GON4L: variants seen among roughly 807,000 people sequenced by gnomAD.
GON4L encodes the protein gon-4 like.
In GON4L, 87 loss-of-function variants were observed where a neutral mutation model predicts 211.8. That is an observed-to-expected ratio of 0.41 (90% confidence interval 0.35 to 0.49). The LOEUF is 0.49. Among genes scored for constraint, GON4L ranks in the 20% least tolerant of loss-of-function variants. GON4L has a pLI of 0.15. For missense variants in GON4L, 2,155 were observed against 2,659.5 expected (o/e 0.81, Z 4.17); for synonymous variants, 875 against 962.6 (o/e 0.91, Z 1.68).
At chr1:155,780,094 C>T (rs1344190677) in intron 14 of GON4L, among the ~76,000 whole-genome samples, 1 of 152,088 alleles carries the variant, frequency 6.6e-6, no homozygotes, top group Non-Finnish European at 1.5e-5. Context: ...CCACTGCACC[C>T]AGCCAGGAAG....
Position 155,853,670 on chromosome 1 carries a change from G to C in GON4L, c.111C>G (p.Asp37Glu). The C allele has an allele frequency of 6.2e-7, 1 of 1,613,740 alleles. No individual in the cohort carries two copies. Among genetic ancestry groups the C allele is most frequent in the Non-Finnish European group, 8.5e-7 (1 of 1,179,658 alleles). The change falls in exon 2 of 32, where the codon GAC becomes GAG. Residue 37 changes from aspartate to glutamate, a missense_variant. Asp to Glu is a conservative substitution (Grantham distance 45). Coordinates refer to ENST00000368331, the MANE Select transcript of GON4L (RefSeq NM_001282860.2). The stretch of plus-strand genomic sequence containing the variant: ...ACACCGAACTCAAGTCCTTAACCTG[G>C]TCAGATTCTGGTTTAACGGCTGATT... ...DLESAVKPESDQVKDLSSVSL... is the reference protein window; with the variant it reads ...DLESAVKPESEQVKDLSSVSL...
At chr1:155,849,773 CAAAAAAAAAA>C (rs11330008) in intron 2 of GON4L, among the ~76,000 whole-genome samples, 1 of 77,354 alleles carries the variant, frequency 1.3e-5, no homozygotes, top group East Asian at 3.4e-4. Flanking sequence ...GACTCCGTCT[CAAAAAAAAAA>C]AAAAAAAAAA....
At chr1:155,853,838 T>C (rs1672031796) in intron 1 of GON4L, 32 bp from the exon 2 acceptor site, 2 of 1,325,854 alleles carry the variant, frequency 1.5e-6, no homozygotes, top group Middle Eastern at 3.6e-4. Context: ...ACTGCCTTCA[T>C]ATTAATTAAA....
In GON4L at chr1:155,806,216, G is replaced by T. The variant is rs573430599; in HGVS notation, c.1453-1075C>A. Among the ~76,000 whole-genome samples, 181 of 147,112 alleles carry T rather than the reference G, an allele frequency of 1.2e-3. 1 individual carries two copies. Among genetic ancestry groups the T allele is most frequent in the African/African-American group, 4.4e-3 (174 of 39,860 alleles). On this transcript the variant is annotated intron_variant, in intron 10 of 31. Transcript: ENST00000368331. ...CACCCATTCTGGAGTGCAGTGGTACGATCTCGGATCACTGCAACCTCCATC... is the reference window on the plus strand; with the variant it reads ...CACCCATTCTGGAGTGCAGTGGTACTATCTCGGATCACTGCAACCTCCATC...
At chr1:155,778,559 T>C (rs1300033038) in intron 14 of GON4L, among the ~76,000 whole-genome samples, 1 of 152,096 alleles carries the variant, frequency 6.6e-6, no homozygotes, top group Non-Finnish European at 1.5e-5. Context: ...CCCTCAAAAT[T>C]TTAATTTTAA....
chr1:155,748,566 A>C, downstream of GON4L: 1 of 1,613,668 alleles, frequency 6.2e-7, no homozygotes, highest in South Asian at 1.1e-5. Flanking sequence ...GTCAGTGCTG[A>C]GAAAATGTCC....
chr1:155,821,588 T>G (rs1378570051), intron 4 of GON4L, 40 bp from the exon 5 acceptor site: 12 of 1,173,730 alleles, frequency 1.0e-5, no homozygotes, highest in Non-Finnish European at 1.5e-5. Flanking sequence ...AACAAGGGTT[T>G]GTCACCTAGA....
chr1:155,811,754 CAAAAAAA>C lies in GON4L; in HGVS notation c.1452+1873_1452+1879del, dbSNP rs145360103. Among the ~76,000 whole-genome samples the C allele has an allele frequency of 3.6e-4, 12 of 33,054 alleles. No individual in the cohort carries two copies. The East Asian group carries it at 0.011, about 29-fold the overall frequency. The allele number at this position is 33,054 out of a possible 152,430, so 21.7% of individuals were successfully genotyped here. On this transcript the variant is annotated intron_variant, in intron 10 of 31. Coordinates refer to ENST00000368331, the MANE Select transcript of GON4L (RefSeq NM_001282860.2). Reference sequence around the variant, plus strand: ...CTGGGAGACAGGCAAGACTCTGTCTCAAAAAAAAAAAAAAAAAAAAAAAAAGAAGGCT... The same window carrying C: ...CTGGGAGACAGGCAAGACTCTGTCTCAAAAAAAAAAAAAAAAAAGAAGGCT...
chr1:155,835,813 T>G (rs1376032309), intron 2 of GON4L, among the ~76,000 whole-genome samples: 1 of 152,232 alleles, frequency 6.6e-6, no homozygotes, highest in Non-Finnish European at 1.5e-5. Context: ...CATTCATGAT[T>G]CCTTCCAGTG....
At chr1:155,857,285 A>G (rs1029288433), upstream of GON4L, 3 of 152,350 alleles carry the variant, frequency 2.0e-5, no homozygotes, top group Non-Finnish European at 1.5e-5. Context: ...TGCGCCTAAC[A>G]CTATGCGCCA....
chr1:155,785,397 A>G (rs767627474), intron 12 of GON4L, 23 bp from the exon 13 acceptor site: 1 of 1,543,072 alleles, frequency 6.5e-7, no homozygotes, highest in Non-Finnish European at 9.0e-7. Context: ...CAGACAGTAT[A>G]TTGTTGGTAT....
intron 2 of GON4L, chr1:155,845,492 T>C (rs150688616): frequency 1.7e-5 from 6 of 345,376 alleles, no homozygotes; most frequent in East Asian, 1.6e-4. Context: ...TCATGTGCTT[T>C]TGCGGTCATG....
At position 155,784,358 on chromosome 1, in the gene GON4L, C is replaced by CTT. The variant is rs869034483; in HGVS notation, c.1789-271_1789-270dup. On this transcript the variant is annotated intron_variant, in intron 13 of 31. Transcript: ENST00000368331. ...ACTCAAAATTATCAATCTCTCTCTCCTTTTTTTTTTTTTTTTTTTTTTTTT... is the reference window on the plus strand; with the variant it reads ...ACTCAAAATTATCAATCTCTCTCTCCTTTTTTTTTTTTTTTTTTTTTTTTTTT... 704 of 104,072 alleles carry CTT rather than the reference C, an allele frequency of 6.8e-3. 139 individuals carry two copies. Among genetic ancestry groups the CTT allele is most frequent in the East Asian group, 0.021 (68 of 3,260 alleles). The allele number at this position is 104,072 out of a possible 1,614,324, so 6.4% of individuals were successfully genotyped here.
chr1:155,826,566 C>CAAA (rs58848983), intron 3 of GON4L, among the ~76,000 whole-genome samples: 2 of 63,746 alleles, frequency 3.1e-5, no homozygotes, highest in Non-Finnish European at 3.4e-5. Flanking sequence ...AACTCCGTCT[C>CAAA]AAAAAAAAAA....
chr1:155,765,558 G>T lies in GON4L; in HGVS notation c.3915C>A (p.Leu1305=), dbSNP rs760416563. The change falls in exon 21 of 32, where the codon CTC becomes CTA. Residue 1305 remains leucine, a synonymous_variant. Coordinates refer to ENST00000368331, the MANE Select transcript of GON4L (RefSeq NM_001282860.2). ...TTAGAGACTCCTGGATGCCCTGAGGGAGCGGCTCCAGAGCTTGCCTCCCCT... is the reference window on the plus strand; with the variant it reads ...TTAGAGACTCCTGGATGCCCTGAGGTAGCGGCTCCAGAGCTTGCCTCCCCT... ...TEEGRQALEP[L]PQGIQESLNN... 2 of 1,614,160 alleles carry T rather than the reference G, an allele frequency of 1.2e-6. No homozygotes were observed. Among genetic ancestry groups the T allele is most frequent in the Non-Finnish European group, 1.7e-6 (2 of 1,180,040 alleles).
intron 2 of GON4L, among the ~76,000 whole-genome samples, chr1:155,840,060 C>G (rs1360201761): frequency 6.6e-6 from 1 of 152,174 alleles, no homozygotes; most frequent in Admixed American, 6.5e-5. Context: ...TCTGTTTTTA[C>G]AGTCAGATGC....
intron 12 of GON4L, among the ~76,000 whole-genome samples, chr1:155,788,252 C>G (rs1665160682): frequency 6.6e-6 from 1 of 151,872 alleles, no homozygotes; most frequent in Non-Finnish European, 1.5e-5. Context: ...CTCAGTATCC[C>G]AAAGTGCTGG....
chr1:155,849,360 T>C (rs954438349), intron 2 of GON4L, among the ~76,000 whole-genome samples: 21 of 151,504 alleles, frequency 1.4e-4, no homozygotes, highest in African/African-American at 4.8e-4. Flanking sequence ...CTGACTAACA[T>C]GGTGAAACCC....
intron 2 of GON4L, among the ~76,000 whole-genome samples, chr1:155,836,661 TC>T (rs769867635): frequency 3.3e-5 from 5 of 152,204 alleles, no homozygotes; most frequent in Non-Finnish European, 5.9e-5. Context: ...CAGTTCGTTG[TC>T]CCCCATCATC....
Sources: allele counts gnomAD v4.1 joint callset (sites outside exome capture counted in the v4.1 genomes callset), GRCh38; gene constraint gnomAD v4.1.1; transcripts MANE v1.5; gene names NCBI Gene and HGNC (gene_info 2026-07-23, HGNC 2026-07-21).